The following RIMS2 variants were observed in gnomAD, a reference collection of about 807,000 sequenced individuals.
RIMS2 encodes the protein regulating synaptic membrane exocytosis 2.
Under a neutral mutation model 174.4 loss-of-function variants are expected in RIMS2, and 59 were observed. The observed-to-expected ratio is 0.34, with a 90% CI of 0.27 to 0.42. The LOEUF (loss-of-function observed/expected upper bound fraction) is 0.42. Ranked by LOEUF, RIMS2 falls within the 10% of genes least tolerant of loss-of-function variation. The probability of loss-of-function intolerance (pLI) is 1.00; values close to 1 mark genes in which losing one functional copy is unlikely to be tolerated. For missense variants in RIMS2, 1,620 were observed against 1,666.3 expected (o/e 0.97, Z 0.48); for synonymous variants, 606 against 572.5 (o/e 1.06, Z -0.84).
intron 19 of RIMS2, 100 bp from the exon 22 acceptor site, chr8:104,041,226 C>G: frequency 1.9e-6 from 1 of 522,568 alleles, no homozygotes; most frequent in Non-Finnish European, 3.5e-6. Context: ...TCAAAATGAT[C>G]TGAGGCCCTT....
intron 19 of RIMS2, among the ~76,000 whole-genome samples, chr8:104,126,709 G>A (rs1326453789): frequency 6.6e-6 from 1 of 152,200 alleles, no homozygotes; most frequent in Admixed American, 6.5e-5. Context: ...TACATGTTAG[G>A]CAAAGTTAGA....
chr8:103,900,994 C>G (rs73697698), intron 4 of RIMS2, among the ~76,000 whole-genome samples: 7,428 of 152,138 alleles, frequency 0.049, 601 homozygotes, highest in African/African-American at 0.17. Context: ...GCTCAATGAT[C>G]TTCTCCTTAG....
chr8:103,797,025 G>C lies in RIMS2; in HGVS notation c.698+30488G>C, dbSNP rs570359216. Among the ~76,000 whole-genome samples, 31 of 152,218 alleles carry C rather than the reference G, an allele frequency of 2.0e-4. No individual in the cohort carries two copies. The South Asian group carries it at 5.8e-3, about 29-fold the overall frequency. ...GTTTATAATTTTAAATAGGGTGTTA[G>C]GGAAGGCATTGCTTAAGATTTAGTT... On this transcript the variant is annotated intron_variant, in intron 3 of 23. Transcript: ENST00000504942.
intron 19 of RIMS2, among the ~76,000 whole-genome samples, chr8:104,217,271 TTTTTTTG>T (rs201408986): frequency 1.5e-5 from 2 of 131,338 alleles, no homozygotes; most frequent in African/African-American, 3.1e-5. Flanking sequence ...TGTTTTTTTG[TTTTTTTG>T]TTTTTTTTGA....
rs189241909 is a variant in RIMS2 at position 103,544,880 on chromosome 8, A to G, written c.176+43818A>G. Among the ~76,000 whole-genome samples, 306 of 151,622 alleles carry G rather than the reference A, an allele frequency of 2.0e-3. 1 individual carries two copies. The highest frequency in any genetic ancestry group is 3.7e-3 in the Non-Finnish European group (249 of 67,830). On this transcript the variant is annotated intron_variant, in intron 1 of 23. Coordinates refer to ENST00000504942, the Ensembl canonical transcript of RIMS2. The stretch of plus-strand genomic sequence containing the variant: ...TCAAGGGCATCAAAGAAGATATAAG[A>G]AAAAAAAACACATCCAAAGAACAAC...
At chr8:103,629,963 C>G (rs1436268611) in intron 1 of RIMS2, among the ~76,000 whole-genome samples, 1 of 151,242 alleles carries the variant, frequency 6.6e-6, no homozygotes, top group African/African-American at 2.4e-5. Context: ...TCCTCAGAGT[C>G]CCAGAAAAAA....
At chr8:104,090,276 T>TG (rs2097625058) in intron 19 of RIMS2, among the ~76,000 whole-genome samples, 1 of 151,792 alleles carries the variant, frequency 6.6e-6, no homozygotes, top group Non-Finnish European at 1.5e-5. Context: ...GCAAATTGGA[T>TG]GATCTGAGAA....
intron 1 of RIMS2, among the ~76,000 whole-genome samples, chr8:103,664,352 G>GTTCT (rs1470281007): frequency 6.6e-6 from 1 of 152,096 alleles, no homozygotes; most frequent in Non-Finnish European, 1.5e-5. Flanking sequence ...AGTACAGAAT[G>GTTCT]GGAGAAAACC....
intron 1 of RIMS2, chr8:103,501,291 G>T: frequency 6.6e-6 from 1 of 152,290 alleles, no homozygotes; most frequent in Non-Finnish European, 1.1e-5. Flanking sequence ...TGAGGGTGGC[G>T]AGCCTTAGGC....
intron 4 of RIMS2, among the ~76,000 whole-genome samples, chr8:103,899,442 G>T (rs1320751901): frequency 6.6e-6 from 1 of 151,792 alleles, no homozygotes; most frequent in African/African-American, 2.4e-5. Flanking sequence ...GTATCTCATT[G>T]TGGTTTTGAT....
chr8:103,538,125 A>G (rs140058260), intron 1 of RIMS2, among the ~76,000 whole-genome samples: 46 of 152,218 alleles, frequency 3.0e-4, no homozygotes, highest in African/African-American at 1.1e-3. Flanking sequence ...ATATATGTAT[A>G]CATATATGGC....
chr8:103,664,129 C>G (rs1321784120), intron 1 of RIMS2, among the ~76,000 whole-genome samples: 1 of 152,150 alleles, frequency 6.6e-6, no homozygotes, highest in Non-Finnish European at 1.5e-5. Flanking sequence ...AAAATTAATT[C>G]AAGATGGATT....
intron 19 of RIMS2, among the ~76,000 whole-genome samples, chr8:104,040,672 A>G (rs2096593179): frequency 6.6e-6 from 1 of 151,736 alleles, no homozygotes; most frequent in Non-Finnish European, 1.5e-5. Flanking sequence ...TGGATTTTTA[A>G]TGCTGAAATG....
chr8:104,110,753 T>G (rs780403499), intron 19 of RIMS2, among the ~76,000 whole-genome samples: 1 of 152,176 alleles, frequency 6.6e-6, no homozygotes, highest in Non-Finnish European at 1.5e-5. Context: ...TTAAAAAAAT[T>G]ATTCCACTAT....
chr8:103,678,764 G>A (rs1163520038), intron 1 of RIMS2, among the ~76,000 whole-genome samples: 1 of 152,098 alleles, frequency 6.6e-6, no homozygotes, highest in Non-Finnish European at 1.5e-5. Flanking sequence ...GATAATACAT[G>A]CAATTAAAAA....
chr8:104,160,479 A>T lies in RIMS2; in HGVS notation c.3335-84437A>T, dbSNP rs113892886. Reference sequence around the variant, plus strand: ...ATATGTCAAATGTTTCTTATTTATCATCTCATATTCTAGTGTTTCATTATT... The same window carrying T: ...ATATGTCAAATGTTTCTTATTTATCTTCTCATATTCTAGTGTTTCATTATT... On this transcript the variant is annotated intron_variant, in intron 19 of 23. Coordinates refer to ENST00000504942, the Ensembl canonical transcript of RIMS2. Among the ~76,000 whole-genome samples, 607 of 152,300 alleles carry T rather than the reference A, an allele frequency of 4.0e-3. 8 individuals are homozygous for T. The highest frequency in any genetic ancestry group is 0.014 in the African/African-American group (578 of 41,578).
intron 19 of RIMS2, chr8:104,223,435 T>C: frequency 7.7e-7 from 1 of 1,305,444 alleles, no homozygotes; most frequent in East Asian, 3.2e-5. Context: ...CTCCATCTCC[T>C]CCTCTGGACC....
At chr8:103,520,368 G>A (rs895302390) in intron 1 of RIMS2, among the ~76,000 whole-genome samples, 35 of 152,120 alleles carry the variant, frequency 2.3e-4, no homozygotes, top group African/African-American at 8.2e-4. Context: ...TAGAGTGAGA[G>A]GAAGTGAGAA....
intron 19 of RIMS2, among the ~76,000 whole-genome samples, chr8:104,065,096 CAGAT>C (rs571423407): frequency 2.0e-5 from 3 of 151,988 alleles, no homozygotes; most frequent in South Asian, 4.2e-4. Context: ...AATATATAAA[CAGAT>C]GGAGAAAAAA....
Sources: allele counts gnomAD v4.1 joint callset (sites outside exome capture counted in the v4.1 genomes callset), GRCh38; gene constraint gnomAD v4.1.1; transcripts MANE v1.5; gene names NCBI Gene and HGNC (gene_info 2026-07-23, HGNC 2026-07-21).